The following DPP10 variants were observed in gnomAD, a reference collection of about 807,000 sequenced individuals.
DPP10 encodes the protein dipeptidyl peptidase like 10, also known as inactive dipeptidyl peptidase 10.
Under a neutral mutation model 120.9 loss-of-function variants are expected in DPP10, and 33 were observed. The ratio of observed to expected loss-of-function variants is 0.27; its 90% CI spans 0.21 to 0.37. The LOEUF (loss-of-function observed/expected upper bound fraction) is 0.37, where lower values mean the gene tolerates loss of function less well. Ranked by LOEUF, DPP10 falls within the 10% of genes least tolerant of loss-of-function variation. The pLI is 1.00. For missense variants in DPP10, 816 were observed against 942.8 expected (o/e 0.87, Z 1.76); for synonymous variants, 337 against 326.1 (o/e 1.03, Z -0.36).
At chr2:115,528,738 G>A (rs1469011750) in intron 5 of DPP10, among the ~76,000 whole-genome samples, 1 of 151,780 alleles carries the variant, frequency 6.6e-6, no homozygotes, top group African/African-American at 2.4e-5. Context: ...TCGGAATTAT[G>A]CCAAGTGAAA....
rs570956322 is a variant in DPP10 at position 114,820,838 on chromosome 2, A to G, written c.60+378000A>G. On this transcript the variant is annotated intron_variant, in intron 1 of 25. Transcript: ENST00000410059. Reference sequence around the variant, plus strand: ...ATTTGGGTGGGTGCACAGCCAAACCATATCATTCTTCCCCTGGACCCTCCC... The same window carrying G: ...ATTTGGGTGGGTGCACAGCCAAACCGTATCATTCTTCCCCTGGACCCTCCC... 1.1e-4 allele frequency among the ~76,000 whole-genome samples: 16 copies of G among 152,326 alleles called. No individual in the cohort carries two copies. In the South Asian group the frequency reaches 2.3e-3, roughly 22 times the overall value.
intron 1 of DPP10, among the ~76,000 whole-genome samples, chr2:114,778,323 C>T (rs1471384189): frequency 6.6e-6 from 1 of 151,788 alleles, no homozygotes; most frequent in East Asian, 1.9e-4. Context: ...TGTCATGGCT[C>T]ATAGCCGAGA....
intron 1 of DPP10, among the ~76,000 whole-genome samples, chr2:114,958,476 GA>G (rs1698373345): frequency 1.3e-5 from 2 of 152,140 alleles, no homozygotes; most frequent in Non-Finnish European, 1.5e-5. Context: ...ACAGAATGGT[GA>G]ATAGAATTAA....
chr2:114,898,887 G>C (rs541141665), intron 1 of DPP10, among the ~76,000 whole-genome samples: 1 of 152,176 alleles, frequency 6.6e-6, no homozygotes, highest in African/African-American at 2.4e-5. Flanking sequence ...AGAGTAGCTT[G>C]TATTTAATAT....
intron 1 of DPP10, among the ~76,000 whole-genome samples, chr2:115,298,852 G>T (rs1045581533): frequency 2.0e-5 from 3 of 152,014 alleles, no homozygotes; most frequent in Admixed American, 1.3e-4. Flanking sequence ...TAAATAGGTA[G>T]ACAGAAGTAA....
At chr2:114,994,270 G>A (rs1199326253) in intron 1 of DPP10, among the ~76,000 whole-genome samples, 1 of 152,140 alleles carries the variant, frequency 6.6e-6, no homozygotes, top group African/African-American at 2.4e-5. Flanking sequence ...TGGGGTAAAT[G>A]CAATTACTAT....
chr2:114,678,374 A>G (rs80179572), intron 1 of DPP10, among the ~76,000 whole-genome samples: 412 of 152,136 alleles, frequency 2.7e-3, no homozygotes, highest in African/African-American at 9.0e-3. Context: ...ATATTTCCAT[A>G]GGAGTTTTTG....
chr2:115,479,250 T>G (rs2075283559), intron 3 of DPP10, among the ~76,000 whole-genome samples: 1 of 152,064 alleles, frequency 6.6e-6, no homozygotes, highest in South Asian at 2.1e-4. Context: ...TTCTGACATA[T>G]GCTACAACAT....
chr2:115,377,789 G>A (rs2106441630), intron 3 of DPP10, among the ~76,000 whole-genome samples: 1 of 152,092 alleles, frequency 6.6e-6, no homozygotes, highest in East Asian at 1.9e-4. Context: ...AGTTTTCCCA[G>A]CACCATTTAT....
intron 3 of DPP10, among the ~76,000 whole-genome samples, chr2:115,475,282 T>A (rs967798768): frequency 1.1e-4 from 16 of 152,184 alleles, no homozygotes; most frequent in Admixed American, 6.5e-5. Context: ...CCACTAGCCA[T>A]GGCTCAACAA....
chr2:115,670,557 G>A lies in DPP10; in HGVS notation c.442-19130G>A, dbSNP rs184460365. Among the ~76,000 whole-genome samples the A allele has an allele frequency of 2.5e-3, 386 of 152,204 alleles. 9 individuals are homozygous for A. The highest frequency in any genetic ancestry group is 0.022 in the Admixed American group (341 of 15,270). On this transcript the variant is annotated intron_variant, in intron 5 of 25. Transcript: ENST00000410059. ...GGTTGCAATTTTGAGAGGCTAAGTTGTGAAAGAGCAGAAATGTGACTACGT... is the reference window on the plus strand; with the variant it reads ...GGTTGCAATTTTGAGAGGCTAAGTTATGAAAGAGCAGAAATGTGACTACGT...
chr2:115,093,311 T>C (rs1445439970), intron 1 of DPP10, among the ~76,000 whole-genome samples: 4 of 152,136 alleles, frequency 2.6e-5, no homozygotes, highest in Non-Finnish European at 5.9e-5. Flanking sequence ...AACAGTATCA[T>C]AAATAGCAAT....
At chr2:114,963,946 T>C (rs983902684) in intron 1 of DPP10, among the ~76,000 whole-genome samples, 1 of 152,214 alleles carries the variant, frequency 6.6e-6, no homozygotes, top group African/African-American at 2.4e-5. Flanking sequence ...AAAGATTTTA[T>C]AAAAGCATTT....
intron 8 of DPP10, among the ~76,000 whole-genome samples, chr2:115,731,070 C>G (rs1467584373): frequency 6.6e-6 from 1 of 151,786 alleles, no homozygotes; most frequent in Non-Finnish European, 1.5e-5. Context: ...ACTAAAAATA[C>G]AAAAAAAGGC....
rs183965852 is a variant in DPP10 at position 115,648,549 on chromosome 2, C to T, written c.442-41138C>T. 1.1e-3 allele frequency among the ~76,000 whole-genome samples: 174 copies of T among 151,564 alleles called. 1 individual carries two copies. The highest frequency in any genetic ancestry group is 6.8e-3 in the Middle Eastern group (2 of 294). On this transcript the variant is annotated intron_variant, in intron 5 of 25. Transcript: ENST00000410059. The stretch of plus-strand genomic sequence containing the variant: ...GTGATGGGTTCTTAGGTGCAGCAAA[C>T]CACCATGGCACATGTTTACCCATGT...
At chr2:115,009,325 A>G (rs1702089071) in intron 1 of DPP10, among the ~76,000 whole-genome samples, 1 of 151,932 alleles carries the variant, frequency 6.6e-6, no homozygotes, top group East Asian at 2.0e-4. Context: ...AAACTATCCC[A>G]AGAACAAAAA....
intron 2 of DPP10, among the ~76,000 whole-genome samples, chr2:115,315,272 C>A (rs1232495079): frequency 6.6e-6 from 1 of 151,592 alleles, no homozygotes; most frequent in Non-Finnish European, 1.5e-5. Flanking sequence ...TGCACACACA[C>A]ACATACACAC....
chr2:114,573,171 C>G (rs1033776525), intron 1 of DPP10, among the ~76,000 whole-genome samples: 2 of 152,132 alleles, frequency 1.3e-5, no homozygotes, highest in Non-Finnish European at 2.9e-5. Context: ...TTTGTAGAGA[C>G]AGCATCTTGC....
At chr2:115,351,302 T>C (rs1008547713) in intron 3 of DPP10, among the ~76,000 whole-genome samples, 1 of 152,162 alleles carries the variant, frequency 6.6e-6, no homozygotes, top group Admixed American at 6.6e-5. Context: ...TTCTCACTTA[T>C]AAGTGGGAGC....
Sources: gnomAD v4.1 joint callset for allele counts (sites outside exome capture counted in the v4.1 genomes callset) on GRCh38, gnomAD v4.1.1 for gene constraint, MANE v1.5 for transcripts, NCBI Gene and HGNC (gene_info 2026-07-23, HGNC 2026-07-21) for gene names.